The following ANKRD33B variants were observed in gnomAD, a reference collection of about 807,000 sequenced individuals.
ANKRD33B encodes ankyrin repeat domain-containing protein 33B.
A neutral mutation model predicts 21.5 loss-of-function variants in ANKRD33B; 6 were observed. That is an observed-to-expected ratio of 0.28 (90% confidence interval 0.15 to 0.55). The LOEUF (loss-of-function observed/expected upper bound fraction) is 0.55. ANKRD33B is among the 20% of genes least tolerant of loss of function. The probability of loss-of-function intolerance (pLI) is 0.94; values close to 1 mark genes in which losing one functional copy is unlikely to be tolerated. For synonymous variants in ANKRD33B, 347 were observed against 342.4 expected, an observed-to-expected ratio of 1.01 and a Z score of -0.15; for missense variants, 698 against 747.2, an observed-to-expected ratio of 0.93 and a Z score of 0.77.
At chr5:10,635,797 C>G (rs562869671) in intron 2 of ANKRD33B, among the ~76,000 whole-genome samples, 3 of 152,220 alleles carry the variant, frequency 2.0e-5, no homozygotes, top group Non-Finnish European at 4.4e-5. Flanking sequence ...TACTATCCCT[C>G]AGGGTGTGGC....
intron 1 of ANKRD33B, among the ~76,000 whole-genome samples, chr5:10,610,164 T>G (rs1736133188): frequency 6.6e-6 from 1 of 152,238 alleles, no homozygotes; most frequent in Admixed American, 6.5e-5. Flanking sequence ...AGAAAAACTG[T>G]AACTTTCACC....
rs938643232 is a variant in ANKRD33B, at chr5:10,650,182, A to G, written c.*69A>G. ...GGGGCCGCAGGGCTGGGCGCGGAGA[A>G]GGAGGCGGCCCCGTTGCGCATCGCA... On this transcript the variant is annotated 3_prime_UTR_variant, in exon 4 of 4. Coordinates refer to ENST00000296657, the MANE Select transcript of ANKRD33B (RefSeq NM_001164440.2). 425 of 1,385,882 alleles carry G rather than the reference A, an allele frequency of 3.1e-4. No homozygotes were observed. Among genetic ancestry groups the G allele is most frequent in the Non-Finnish European group, 3.8e-4 (403 of 1,072,516 alleles). The allele number at this position is 1,385,882 out of a possible 1,614,324, so 85.8% of individuals were successfully genotyped here.
At chr5:10,595,164 G>T (rs1735792232) in intron 1 of ANKRD33B, among the ~76,000 whole-genome samples, 1 of 152,150 alleles carries the variant, frequency 6.6e-6, no homozygotes, top group South Asian at 2.1e-4. Context: ...CAGACCGGAG[G>T]GTTACATCCT....
At chr5:10,642,898 G>A (rs996745593) in intron 3 of ANKRD33B, among the ~76,000 whole-genome samples, 22 of 151,076 alleles carry the variant, frequency 1.5e-4, no homozygotes, top group African/African-American at 5.1e-4. Context: ...TTGTTTGTTT[G>A]TTTTGCTTTG....
chr5:10,570,925 A>G (rs1433555873), intron 1 of ANKRD33B, among the ~76,000 whole-genome samples: 2 of 139,036 alleles, frequency 1.4e-5, no homozygotes, highest in Non-Finnish European at 3.1e-5. Flanking sequence ...TTTTTTTGTC[A>G]ATTAGGACTC....
At chr5:10,626,116 G>T (rs1293947621) in intron 2 of ANKRD33B, among the ~76,000 whole-genome samples, 1 of 152,240 alleles carries the variant, frequency 6.6e-6, no homozygotes, top group Admixed American at 6.5e-5. Flanking sequence ...CCAGGGGCCG[G>T]AGTGGGAGGC....
In ANKRD33B at chr5:10,619,344, G is replaced by C. The variant is rs1294183021; in HGVS notation, c.496+882G>C. 2 of 985,280 alleles carry C rather than the reference G, an allele frequency of 2.0e-6. No individual in the cohort carries two copies. Among genetic ancestry groups the C allele is most frequent in the Non-Finnish European group, 2.4e-6 (2 of 829,938 alleles). The allele number at this position is 985,280 out of a possible 1,614,324, so 61.0% of individuals were successfully genotyped here. On this transcript the variant is annotated intron_variant, in intron 2 of 3. Transcript: ENST00000296657. This position sits in a 1 kb window ranked among gnomAD's most constrained non-coding sequence, Gnocchi z 4.5. ...CGGGTTGTTGAGAATCCCACTCAGGGCCTGGAAACTGGAGGAAGTGCCCCC... is the reference window on the plus strand; with the variant it reads ...CGGGTTGTTGAGAATCCCACTCAGGCCCTGGAAACTGGAGGAAGTGCCCCC...
intron 1 of ANKRD33B, among the ~76,000 whole-genome samples, chr5:10,610,455 C>T (rs1051359700): frequency 4.6e-5 from 7 of 150,954 alleles, no homozygotes; most frequent in African/African-American, 1.5e-4. Flanking sequence ...GTGCCCTGGT[C>T]GAAAAACTGA....
chr5:10,586,523 G>T (rs999889145), intron 1 of ANKRD33B, among the ~76,000 whole-genome samples: 6 of 142,690 alleles, frequency 4.2e-5, no homozygotes, highest in Non-Finnish European at 7.8e-5. Flanking sequence ...GTGTGTGTGT[G>T]TGTGTGTGTG....
chr5:10,591,196 T>C lies in ANKRD33B; in HGVS notation c.366+26363T>C, dbSNP rs1465829553. ...TAGTCATCTACATTTTTTTTAGTGG[T>C]TTTTTTTTTTTTTTGAGATGGAGTC... On this transcript the variant is annotated intron_variant, in intron 1 of 3. Transcript: ENST00000296657. Among the ~76,000 whole-genome samples the C allele has an allele frequency of 2.7e-4, 16 of 58,906 alleles. 1 individual carries two copies. Among genetic ancestry groups the C allele is most frequent in the African/African-American group, 9.8e-4 (15 of 15,304 alleles). 38.6% of individuals were successfully genotyped at this position (58,906 alleles called of 152,430 possible).
At chr5:10,572,525 C>T (rs894532538) in intron 1 of ANKRD33B, among the ~76,000 whole-genome samples, 13 of 152,164 alleles carry the variant, frequency 8.5e-5, no homozygotes, top group African/African-American at 1.9e-4. Context: ...AGGGAGGTGC[C>T]ATAGGTGCTC....
chr5:10,647,027 C>T (rs1737202949), intron 3 of ANKRD33B, among the ~76,000 whole-genome samples: 1 of 152,218 alleles, frequency 6.6e-6, no homozygotes, highest in Non-Finnish European at 1.5e-5. Context: ...CCCCTTTGAG[C>T]TCACAGACTA....
At chr5:10,631,692 C>G (rs1277002443) in intron 2 of ANKRD33B, among the ~76,000 whole-genome samples, 1 of 152,208 alleles carries the variant, frequency 6.6e-6, no homozygotes, top group African/African-American at 2.4e-5. Context: ...AGGAGAAACA[C>G]GCAAGTGTGC....
chr5:10,629,485 A>G (rs2126592158), intron 2 of ANKRD33B, among the ~76,000 whole-genome samples: 1 of 152,256 alleles, frequency 6.6e-6, no homozygotes, highest in South Asian at 2.1e-4. Flanking sequence ...TCATCACTGA[A>G]TAAGGGATGT....
intron 3 of ANKRD33B, among the ~76,000 whole-genome samples, chr5:10,647,965 C>G (rs1737227175): frequency 6.6e-6 from 1 of 152,162 alleles, no homozygotes; most frequent in Admixed American, 6.5e-5. Context: ...GGTATTCTAG[C>G]CTAGCCAAGT....
chr5:10,629,800 A>G (rs1736663612), intron 2 of ANKRD33B, among the ~76,000 whole-genome samples: 1 of 152,146 alleles, frequency 6.6e-6, no homozygotes, highest in African/African-American at 2.4e-5. Flanking sequence ...CAGAAGGGTG[A>G]GCATCTGCAT....
chr5:10,602,273 C>T (rs1211410268), intron 1 of ANKRD33B, among the ~76,000 whole-genome samples: 1 of 152,252 alleles, frequency 6.6e-6, no homozygotes, highest in East Asian at 1.9e-4. Flanking sequence ...GGCTCCCAGC[C>T]AGGAGCCTGG....
intron 1 of ANKRD33B, among the ~76,000 whole-genome samples, chr5:10,608,941 T>G (rs998372638): frequency 1.5e-4 from 23 of 152,190 alleles, no homozygotes; most frequent in African/African-American, 5.3e-4. Context: ...CTCTTTAAAT[T>G]TGGTGCCCCA....
chr5:10,637,646 G>T (rs999330978), intron 2 of ANKRD33B, among the ~76,000 whole-genome samples: 4 of 152,052 alleles, frequency 2.6e-5, no homozygotes, highest in African/African-American at 9.7e-5. Flanking sequence ...GCATCTGTTT[G>T]CACGGGCGTC....
Sources: allele counts gnomAD v4.1 joint callset (sites outside exome capture counted in the v4.1 genomes callset), GRCh38; gene constraint gnomAD v4.1.1; non-coding constraint Gnocchi (gnomAD v3.1); transcripts MANE v1.5; gene names NCBI Gene and HGNC (gene_info 2026-07-23, HGNC 2026-07-21).